The following TANC1 variants were observed in gnomAD, a reference collection of about 807,000 sequenced individuals.
TANC1 encodes the protein tetratricopeptide repeat, ankyrin repeat and coiled-coil containing 1, also known as protein TANC1.
A neutral mutation model predicts 149.7 loss-of-function variants in TANC1; 77 were observed. The observed-to-expected ratio is 0.51, with a 90% CI of 0.43 to 0.62. The LOEUF is 0.62. Among genes scored for constraint, TANC1 ranks in the 20% least tolerant of loss-of-function variants. The pLI is 0.00. For synonymous variants in TANC1, 854 were observed against 925.0 expected, an observed-to-expected ratio of 0.92 and a Z score of 1.39; for missense variants, 1,985 against 2,321.8, an observed-to-expected ratio of 0.85 and a Z score of 2.98.
intron 2 of TANC1, among the ~76,000 whole-genome samples, chr2:159,013,402 C>T (rs189595481): frequency 9.9e-5 from 15 of 152,208 alleles, no homozygotes; most frequent in Admixed American, 2.6e-4. Context: ...GTCCTGGGAA[C>T]GAGTCCTATC....
At position 159,097,798 on chromosome 2, in the gene TANC1, C is replaced by A; in HGVS notation, c.223C>A (p.His75Asn). Residue 75 changes from histidine to asparagine, a missense_variant, in exon 4 of 27, where the codon CAC (histidine) becomes AAC (asparagine). By Grantham distance (68) the His-to-Asn change is moderately conservative. Coordinates refer to ENST00000263635, the MANE Select transcript of TANC1 (RefSeq NM_033394.3). ...CTCACCTTTGCTGCCTCGACAGTCTCACTTGGTGCAATCAAGAGTGAACAA... is the reference window on the plus strand; with the variant it reads ...CTCACCTTTGCTGCCTCGACAGTCTAACTTGGTGCAATCAAGAGTGAACAA... ...PSSPLLPRQS[H>N]LVQSRVNKKS... 6.2e-7 allele frequency: 1 copy of A among 1,613,954 alleles called. No individual in the cohort carries two copies. The highest frequency in any genetic ancestry group is 8.5e-7 in the Non-Finnish European group (1 of 1,180,000).
intron 3 of TANC1, among the ~76,000 whole-genome samples, 156 bp from the exon 4 acceptor site, chr2:159,097,481 T>C (rs1405295605): frequency 6.6e-6 from 1 of 152,148 alleles, no homozygotes; most frequent in Non-Finnish European, 1.5e-5. Flanking sequence ...GGGTAAAAAG[T>C]TTCAAGAGTA....
At chr2:159,170,325 A>G (rs926182959) in intron 9 of TANC1, among the ~76,000 whole-genome samples, 199 bp from the exon 10 acceptor site, 2 of 152,120 alleles carry the variant, frequency 1.3e-5, no homozygotes, top group African/African-American at 4.8e-5. Flanking sequence ...CTAGTTTCCT[A>G]TTGGTCCAAT....
chr2:159,008,063 G>A (rs1335999347), intron 2 of TANC1, among the ~76,000 whole-genome samples: 2 of 152,210 alleles, frequency 1.3e-5, no homozygotes, highest in East Asian at 3.8e-4. Context: ...TGGATCAATT[G>A]AAAAATTTGC....
chr2:159,020,311 G>A (rs1004318212), intron 2 of TANC1, among the ~76,000 whole-genome samples: 5 of 151,860 alleles, frequency 3.3e-5, no homozygotes, highest in Admixed American at 1.3e-4. Flanking sequence ...ACAGGGTTTC[G>A]CCTTGTTGGC....
At chr2:159,030,714 T>C (rs554060837) in intron 2 of TANC1, among the ~76,000 whole-genome samples, 2 of 152,258 alleles carry the variant, frequency 1.3e-5, no homozygotes, top group African/African-American at 4.8e-5. Flanking sequence ...CAGTTTGTTG[T>C]TGGGGTTTTG....
At chr2:159,016,633 G>A (rs1477135011) in intron 2 of TANC1, among the ~76,000 whole-genome samples, 1 of 150,538 alleles carries the variant, frequency 6.6e-6, no homozygotes. Context: ...GGAGTGCAGT[G>A]GTGTGATCTT....
intron 2 of TANC1, among the ~76,000 whole-genome samples, chr2:159,019,981 T>C (rs922045068): frequency 1.3e-5 from 2 of 152,148 alleles, no homozygotes. Context: ...TGCCAAGAGT[T>C]CACAGAAAAT....
intron 13 of TANC1, 27 bp from the exon 14 acceptor site, chr2:159,178,529 A>G (rs2056123358): frequency 1.3e-6 from 2 of 1,534,468 alleles, no homozygotes; most frequent in Admixed American, 2.1e-5. Context: ...TTAGAGTGAC[A>G]CTGTGGGTTT....
rs1206869845 is a variant in TANC1, at chr2:158,968,665, C to A, written c.-243C>A. ...GGCTTTGCTGTGGCAGCTGCTGGAGCGGCGGCCGCCTCGGGAGCCGGAGGA... is the reference window on the plus strand; with the variant it reads ...GGCTTTGCTGTGGCAGCTGCTGGAGAGGCGGCCGCCTCGGGAGCCGGAGGA... On this transcript the variant is annotated 5_prime_UTR_variant, in exon 1 of 27. Coordinates refer to ENST00000263635, the MANE Select transcript of TANC1 (RefSeq NM_033394.3). 1.3e-5 allele frequency: 2 copies of A among 152,374 alleles called. No homozygotes were observed. Among genetic ancestry groups the A allele is most frequent in the East Asian group, 3.9e-4 (2 of 5,172 alleles). The allele number at this position is 152,374 out of a possible 1,614,324, so 9.4% of individuals were successfully genotyped here.
At chr2:159,017,126 A>G (rs1318687839) in intron 2 of TANC1, among the ~76,000 whole-genome samples, 2 of 152,032 alleles carry the variant, frequency 1.3e-5, no homozygotes, top group Non-Finnish European at 2.9e-5. Context: ...TTTCCCTTTT[A>G]GTCTTTTTGG....
Position 159,187,003 on chromosome 2 carries a change from T to A in TANC1, c.2721T>A (p.Asn907Lys). The A allele has an allele frequency of 6.2e-7, 1 of 1,614,166 alleles. No individual in the cohort carries two copies. The highest frequency in any genetic ancestry group is 8.5e-7 in the Non-Finnish European group (1 of 1,180,032). ...CCGCCGCCCTGGCCTCTCTCAGGAA[T>A]CTCTATACTCCCAACGTGAAGGTGA... ...GLSAALASLR[N>K]LYTPNVKVSR... is the part of the protein sequence containing the mutation. The change falls in exon 16 of 27, where the codon AAT becomes AAA. Residue 907 changes from asparagine to lysine, a missense_variant. Transcript: ENST00000263635.
intron 12 of TANC1, among the ~76,000 whole-genome samples, chr2:159,175,640 G>A (rs115542284): frequency 4.7e-4 from 72 of 152,258 alleles, no homozygotes; most frequent in South Asian, 1.7e-3. Flanking sequence ...GTTTGTCCCC[G>A]ACAAGGTAAT....
At chr2:159,131,977 C>T (rs2050156874) in intron 4 of TANC1, among the ~76,000 whole-genome samples, 1 of 152,200 alleles carries the variant, frequency 6.6e-6, no homozygotes, top group Non-Finnish European at 1.5e-5. Context: ...ATGTTGATGA[C>T]TGGGTGGTGG....
chr2:159,181,769 T>C (rs1415227236), intron 14 of TANC1, among the ~76,000 whole-genome samples: 1 of 152,236 alleles, frequency 6.6e-6, no homozygotes, highest in Non-Finnish European at 1.5e-5. Context: ...AAAAAATGAG[T>C]GTCTTCTCAC....
intron 2 of TANC1, among the ~76,000 whole-genome samples, chr2:159,044,729 G>A (rs1390864127): frequency 1.3e-5 from 2 of 152,134 alleles, no homozygotes. Flanking sequence ...GGAGACACCG[G>A]CTCGCTTCTC....
Position 159,105,552 on chromosome 2 carries a change from A to G in TANC1, c.259+7718A>G, listed in dbSNP as rs542487988. ...AGCAGGTTCCCAGCAGTGGAATTAC[A>G]AAAAGAAGTACAAAATAATGAAAGT... On this transcript the variant is annotated intron_variant, in intron 4 of 26. Transcript: ENST00000263635. Among the ~76,000 whole-genome samples the G allele has an allele frequency of 1.7e-4, 26 of 152,268 alleles. No homozygotes were observed. The South Asian group carries it at 5.4e-3, about 32-fold the overall frequency.
intron 16 of TANC1, among the ~76,000 whole-genome samples, chr2:159,188,385 G>A (rs775094008): frequency 3.9e-5 from 6 of 152,366 alleles, no homozygotes; most frequent in Non-Finnish European, 7.3e-5. Context: ...GCAGTGGCAT[G>A]CCAGCAGTCT....
chr2:159,183,014 C>T (rs2056646685), intron 14 of TANC1, among the ~76,000 whole-genome samples: 1 of 152,102 alleles, frequency 6.6e-6, no homozygotes, highest in African/African-American at 2.4e-5. Context: ...TTGACTTGAC[C>T]TTTTTTCATG....
Sources: allele counts gnomAD v4.1 joint callset (sites outside exome capture counted in the v4.1 genomes callset), GRCh38; gene constraint gnomAD v4.1.1; transcripts MANE v1.5; gene names NCBI Gene and HGNC (gene_info 2026-07-23, HGNC 2026-07-21).